RASAL2: variants seen among roughly 807,000 people sequenced by gnomAD.
RASAL2 encodes ras GTPase-activating protein nGAP.
A neutral mutation model predicts 128.9 loss-of-function variants in RASAL2; 58 were observed. The ratio of observed to expected loss-of-function variants is 0.45; its 90% confidence interval spans 0.36 to 0.56. The LOEUF is 0.56. RASAL2 is among the 20% of genes least tolerant of loss of function. The pLI is 0.00. For missense variants in RASAL2, 1,360 were observed against 1,601.6 expected, an observed-to-expected ratio of 0.85 and a Z score of 2.57; for synonymous variants, 561 against 580.8, an observed-to-expected ratio of 0.97 and a Z score of 0.49.
At position 178,458,457 on chromosome 1, in the gene RASAL2, T is replaced by C. The variant is rs545756417; in HGVS notation, c.3165T>C (p.Asn1055=). The change falls in exon 14 of 18, where the codon AAT becomes AAC. Residue 1055 remains asparagine, a synonymous_variant. Transcript: ENST00000367649. ...SAALVAEPVQ[N]GSRSRQQSSS... ...CCCTGGTGGCCGAACCTGTGCAGAA[T>C]GGGAGCCGGTCCCGGCAGCAGTCCT... is the stretch of plus-strand genomic sequence containing the variant. The C allele has an allele frequency of 5.0e-6, 8 of 1,614,190 alleles. No homozygotes were observed. The highest frequency in any genetic ancestry group is 1.6e-4 in the Middle Eastern group (1 of 6,062).
At chr1:178,273,874 G>A (rs1666373134) in intron 1 of RASAL2, among the ~76,000 whole-genome samples, 2 of 152,180 alleles carry the variant, frequency 1.3e-5, no homozygotes, top group Non-Finnish European at 2.9e-5. Context: ...TTCATAAAAA[G>A]AAAGGTTTTT....
At chr1:178,239,069 T>A (rs892140703) in intron 1 of RASAL2, among the ~76,000 whole-genome samples, 8 of 152,062 alleles carry the variant, frequency 5.3e-5, no homozygotes, top group African/African-American at 1.9e-4. Flanking sequence ...CTTAAAAAAA[T>A]TTTGCCTCTA....
intron 1 of RASAL2, among the ~76,000 whole-genome samples, chr1:178,156,927 C>G (rs951958362): frequency 4.6e-5 from 7 of 152,058 alleles, no homozygotes; most frequent in African/African-American, 1.4e-4. Context: ...TTGTGAGTGC[C>G]CAGATCAATA....
At chr1:178,190,227 T>C (rs6665850) in intron 1 of RASAL2, among the ~76,000 whole-genome samples, 55,931 of 145,434 alleles carry the variant, frequency 0.38, 10,895 homozygotes, top group East Asian at 0.51. Context: ...TTTTTCATCT[T>C]GCTGTTGGCT....
At chr1:178,440,483 T>C (rs949625646) in intron 6 of RASAL2, among the ~76,000 whole-genome samples, 4 of 152,106 alleles carry the variant, frequency 2.6e-5, no homozygotes, top group Non-Finnish European at 5.9e-5. Flanking sequence ...TTGCAGCACA[T>C]CTCAATCTGG....
intron 1 of RASAL2, among the ~76,000 whole-genome samples, chr1:178,168,300 A>T (rs1661585714): frequency 6.6e-6 from 1 of 152,020 alleles, no homozygotes; most frequent in African/African-American, 2.4e-5. Flanking sequence ...GTAGACCAGA[A>T]AATATAGTAT....
At chr1:178,395,663 T>C (rs993534639) in intron 4 of RASAL2, among the ~76,000 whole-genome samples, 3 of 151,934 alleles carry the variant, frequency 2.0e-5, no homozygotes, top group African/African-American at 7.3e-5. Flanking sequence ...TTTCCCATGA[T>C]GCTTAAAGAC....
chr1:178,172,842 G>A (rs780404565), intron 1 of RASAL2, among the ~76,000 whole-genome samples: 8 of 151,968 alleles, frequency 5.3e-5, no homozygotes, highest in Non-Finnish European at 8.8e-5. Flanking sequence ...GTTGTCATTG[G>A]TGACATGATT....
intron 3 of RASAL2, among the ~76,000 whole-genome samples, chr1:178,366,588 C>CA (rs1482168767): frequency 1.2e-5 from 1 of 81,070 alleles, no homozygotes; most frequent in Non-Finnish European, 2.1e-5. Context: ...CTCCCACCCC[C>CA]CCCCGCCAAA....
intron 3 of RASAL2, among the ~76,000 whole-genome samples, chr1:178,356,170 CAAAA>C (rs34590206): frequency 1.4e-5 from 1 of 73,952 alleles, no homozygotes; most frequent in Non-Finnish European, 2.9e-5. Flanking sequence ...GACTCTGTCT[CAAAA>C]AAAAAAAAAA....
intron 14 of RASAL2, among the ~76,000 whole-genome samples, chr1:178,459,466 C>T (rs773672752): frequency 6.6e-6 from 1 of 151,942 alleles, no homozygotes; most frequent in African/African-American, 2.4e-5. Flanking sequence ...TACTAAAAAA[C>T]TTGAGATTAA....
At chr1:178,467,302 G>T (rs1647820323) in intron 16 of RASAL2, 32 bp from the exon 17 acceptor site, 2 of 1,569,188 alleles carry the variant, frequency 1.3e-6, no homozygotes, top group South Asian at 2.2e-5. Context: ...TTTCTTTGAA[G>T]ATGTTGATAT....
chr1:178,099,510 T>A (rs1412791225), intron 1 of RASAL2, among the ~76,000 whole-genome samples: 3 of 152,270 alleles, frequency 2.0e-5, no homozygotes, highest in African/African-American at 7.2e-5. Flanking sequence ...TAGTTTCATT[T>A]ATAACATCTT....
intron 1 of RASAL2, among the ~76,000 whole-genome samples, chr1:178,107,031 T>A (rs1480760856): frequency 6.6e-6 from 1 of 152,232 alleles, no homozygotes; most frequent in Non-Finnish European, 1.5e-5. Context: ...TATATGTTTT[T>A]ACAGAGTTGC....
intron 1 of RASAL2, among the ~76,000 whole-genome samples, chr1:178,190,708 A>T (rs931169238): frequency 1.4e-5 from 2 of 147,708 alleles, no homozygotes; most frequent in African/African-American, 5.0e-5. Context: ...GATCTTATGC[A>T]TATTAAACTT....
chr1:178,396,816 G>T, intron 4 of RASAL2, among the ~76,000 whole-genome samples: 2 of 144,216 alleles, frequency 1.4e-5, no homozygotes, highest in Admixed American at 6.9e-5. Context: ...TCAGATTGTT[G>T]AGTGGCTGGT....
At chr1:178,471,117 A>AT (rs1270505700) in intron 17 of RASAL2, among the ~76,000 whole-genome samples, 3 of 152,144 alleles carry the variant, frequency 2.0e-5, no homozygotes, top group East Asian at 1.9e-4. Flanking sequence ...TAAAAATCAA[A>AT]TTTTTTATGA....
At chr1:178,272,190 C>T (rs1285462323) in intron 1 of RASAL2, among the ~76,000 whole-genome samples, 1 of 152,054 alleles carries the variant, frequency 6.6e-6, no homozygotes, top group South Asian at 2.1e-4. Context: ...ATTGTTATAT[C>T]CCGAGGCTTG....
intron 1 of RASAL2, among the ~76,000 whole-genome samples, chr1:178,261,138 C>T (rs1020846574): frequency 6.6e-6 from 1 of 152,116 alleles, no homozygotes; most frequent in African/African-American, 2.4e-5. Flanking sequence ...GTGAATTCTC[C>T]CTTTTTTCCT....
Sources: gnomAD v4.1 joint callset for allele counts (sites outside exome capture counted in the v4.1 genomes callset) on GRCh38, gnomAD v4.1.1 for gene constraint, MANE v1.5 for transcripts, NCBI Gene and HGNC (gene_info 2026-07-23, HGNC 2026-07-21) for gene names.